Variants in COL24A1 observed in about 807,000 individuals in gnomAD.
COL24A1 encodes the protein collagen type XXIV alpha 1 chain.
A neutral mutation model predicts 253.9 loss-of-function variants in COL24A1; 224 were observed. The observed-to-expected ratio is 0.88, with a 90% CI of 0.79 to 0.99. COL24A1 has a LOEUF of 0.99. COL24A1 is among the 50% of genes least tolerant of loss of function. The probability of loss-of-function intolerance (pLI) is 0.00; values close to 1 mark genes in which losing one functional copy is unlikely to be tolerated. For synonymous variants in COL24A1, 685 were observed against 673.7 expected, an observed-to-expected ratio of 1.02 and a Z score of -0.26; for missense variants, 2,131 against 2,068.5, an observed-to-expected ratio of 1.03 and a Z score of -0.59.
intron 3 of COL24A1, among the ~76,000 whole-genome samples, chr1:86,121,807 G>A (rs1647397901): frequency 6.6e-6 from 1 of 152,026 alleles, no homozygotes; most frequent in Admixed American, 6.6e-5. Context: ...CCAATATTTG[G>A]TTATTATAAG....
chr1:85,761,402 G>T lies in COL24A1; in HGVS notation c.4431C>A (p.Gly1477=), dbSNP rs1666834439. 1 of 1,613,922 alleles carries T rather than the reference G, an allele frequency of 6.2e-7. No individual in the cohort carries two copies. Among genetic ancestry groups the T allele is most frequent in the Non-Finnish European group, 8.5e-7 (1 of 1,179,914 alleles). The part of the protein sequence containing the change: ...PGPPGPPGAP[G]PRKQMDINAA... ...TCAAACCAAGCAAACTTACTCTTGG[G>T]CCTGGTGCTCCAGGTGGACCCTAGA... The change falls in exon 55 of 60, where the codon GGC becomes GGA. Residue 1477 remains glycine, a synonymous_variant. Coordinates refer to ENST00000370571, the MANE Select transcript of COL24A1 (RefSeq NM_152890.7).
At chr1:85,733,582 A>ATTTT (rs200237796) in intron 59 of COL24A1, among the ~76,000 whole-genome samples, 13 of 144,992 alleles carry the variant, frequency 9.0e-5, no homozygotes, top group African/African-American at 3.0e-4. Context: ...CTGTCATTTA[A>ATTTT]TTTTTTTTTT....
In COL24A1 at chr1:85,734,942, A is replaced by G; in HGVS notation, c.4805T>C (p.Val1602Ala). Residue 1602 changes from valine (V) to alanine (A), a missense_variant, in exon 59 of 60, where the codon GTC becomes GCC. By Grantham distance (64) the Val-to-Ala change is moderately conservative. Transcript: ENST00000370571. ...VTKLEFGVGK[V>A]QMNFLHLLSS... The stretch of plus-strand genomic sequence containing the variant: ...CAGTAAATGAAGGAAGTTCATCTGG[A>G]CTTTCCCAACTCCAAACTCCAACTA... 6.2e-7 allele frequency: 1 copy of G among 1,614,154 alleles called. No individual in the cohort carries two copies. Among genetic ancestry groups the G allele is most frequent in the South Asian group, 1.1e-5 (1 of 91,086 alleles).
At chr1:85,852,750 T>C (rs902733474) in intron 37 of COL24A1, among the ~76,000 whole-genome samples, 1 of 152,224 alleles carries the variant, frequency 6.6e-6, no homozygotes, top group African/African-American at 2.4e-5. Flanking sequence ...GTGTTGGAAA[T>C]TGCATTTAAA....
intron 56 of COL24A1, 37 bp from the exon 57 acceptor site, chr1:85,744,871 A>G (rs373375222): frequency 2.6e-6 from 4 of 1,559,546 alleles, no homozygotes; most frequent in African/African-American, 2.7e-5. Context: ...AAGCAAAAAA[A>G]TCCTGAGGAC....
chr1:85,739,187 T>C (rs757903257), intron 57 of COL24A1, among the ~76,000 whole-genome samples: 5 of 152,188 alleles, frequency 3.3e-5, no homozygotes, highest in African/African-American at 4.8e-5. Context: ...GGAGTAAACA[T>C]ATATCTTCTT....
intron 5 of COL24A1, among the ~76,000 whole-genome samples, chr1:86,099,034 TG>T (rs1704231422): frequency 6.6e-6 from 1 of 152,156 alleles, no homozygotes; most frequent in South Asian, 2.1e-4. Flanking sequence ...TGTAGAATGT[TG>T]ACAAAAATAG....
intron 24 of COL24A1, among the ~76,000 whole-genome samples, chr1:85,915,836 C>T (rs1372441685): frequency 6.6e-6 from 1 of 151,874 alleles, no homozygotes; most frequent in Non-Finnish European, 1.5e-5. Flanking sequence ...TTGTTTTTAG[C>T]AGAGATGGGG....
Position 85,815,404 on chromosome 1 carries a change from A to G in COL24A1, c.3951+1384T>C, listed in dbSNP as rs72952507. Among the ~76,000 whole-genome samples the G allele has an allele frequency of 7.5e-3, 1,138 of 152,308 alleles. 17 individuals carry two copies. Among genetic ancestry groups the G allele is most frequent in the African/African-American group, 0.026 (1,071 of 41,564 alleles). Reference sequence around the variant, plus strand: ...ACTGATACTACTAGCAAAAGTCTATACAATATTTATTTTAATTAAAAACTT... The same window carrying G: ...ACTGATACTACTAGCAAAAGTCTATGCAATATTTATTTTAATTAAAAACTT... On this transcript the variant is annotated intron_variant, in intron 47 of 59. Transcript: ENST00000370571.
At chr1:85,826,990 C>T (rs372277378) in intron 43 of COL24A1, among the ~76,000 whole-genome samples, 8,370 of 151,788 alleles carry the variant, frequency 0.055, 334 homozygotes, top group Non-Finnish European at 0.081. Flanking sequence ...GAGAGGGCAT[C>T]CCTGTCTTGT....
At chr1:86,015,889 T>TCA in intron 19 of COL24A1, among the ~76,000 whole-genome samples, 1 of 148,894 alleles carries the variant, frequency 6.7e-6, no homozygotes, top group Non-Finnish European at 1.5e-5. Context: ...TTTTCTTTTT[T>TCA]TTTTTTTTTT....
intron 24 of COL24A1, among the ~76,000 whole-genome samples, chr1:85,933,033 C>G (rs1264697773): frequency 3.4e-5 from 4 of 119,114 alleles, no homozygotes; most frequent in Non-Finnish European, 6.6e-5. Flanking sequence ...CACATGTATA[C>G]ATATGTAACT....
At chr1:85,970,966 A>C (rs563854232) in intron 21 of COL24A1, among the ~76,000 whole-genome samples, 1 of 152,188 alleles carries the variant, frequency 6.6e-6, no homozygotes, top group Non-Finnish European at 1.5e-5. Flanking sequence ...TAATCCCAGC[A>C]CTCTGGGACA....
chr1:86,011,307 G>A (rs181618711), intron 19 of COL24A1, among the ~76,000 whole-genome samples: 1 of 152,134 alleles, frequency 6.6e-6, no homozygotes, highest in East Asian at 1.9e-4. Flanking sequence ...CTTAACCTCT[G>A]ATTTTAGCCT....
chr1:86,059,842 T>A (rs1700946626), intron 8 of COL24A1, among the ~76,000 whole-genome samples: 1 of 152,072 alleles, frequency 6.6e-6, no homozygotes, highest in Non-Finnish European at 1.5e-5. Context: ...ATGGGATAAA[T>A]GACCTTATAA....
chr1:85,912,380 T>C (rs900347616), intron 24 of COL24A1, among the ~76,000 whole-genome samples: 2 of 152,128 alleles, frequency 1.3e-5, no homozygotes, highest in Non-Finnish European at 2.9e-5. Context: ...GACAAGAACA[T>C]AATCTCTTTC....
chr1:85,836,621 A>G (rs1676036176), intron 43 of COL24A1, among the ~76,000 whole-genome samples: 2 of 152,230 alleles, frequency 1.3e-5, no homozygotes, highest in Admixed American at 1.3e-4. Flanking sequence ...ATATTTCATG[A>G]TTTTGAGCTA....
intron 19 of COL24A1, among the ~76,000 whole-genome samples, chr1:86,014,144 T>C (rs544408342): frequency 6.6e-6 from 1 of 152,342 alleles, no homozygotes; most frequent in African/African-American, 2.4e-5. Flanking sequence ...TGTATATAAG[T>C]TGTCCTCTAA....
At chr1:85,982,492 C>T (rs1434133176) in intron 20 of COL24A1, among the ~76,000 whole-genome samples, 2 of 146,586 alleles carry the variant, frequency 1.4e-5, no homozygotes, top group Admixed American at 6.8e-5. Context: ...TGCTTTCTAC[C>T]TTTTTTTTTT....
Sources: gnomAD v4.1 joint callset for allele counts (sites outside exome capture counted in the v4.1 genomes callset) on GRCh38, gnomAD v4.1.1 for gene constraint, MANE v1.5 for transcripts, NCBI Gene and HGNC (gene_info 2026-07-23, HGNC 2026-07-21) for gene names.